MYLK4: variants seen among roughly 807,000 people sequenced by gnomAD.
The protein encoded by MYLK4 is myosin light chain kinase family member 4.
MYLK4 carries 46 observed loss-of-function variants against 48.1 expected under a neutral mutation model. The ratio of observed to expected loss-of-function variants is 0.96; its 90% CI spans 0.75 to 1.22. The LOEUF (loss-of-function observed/expected upper bound fraction) is 1.22. Among genes scored for constraint, MYLK4 ranks in the 50% most tolerant of loss-of-function variants. The pLI is 0.00. For missense variants in MYLK4, 451 were observed against 486.1 expected (o/e 0.93, Z 0.68); for synonymous variants, 170 against 180.8 (o/e 0.94, Z 0.48).
intron 7 of MYLK4, chr6:2,680,571 G>C: frequency 2.0e-6 from 2 of 985,212 alleles, no homozygotes; most frequent in Non-Finnish European, 2.4e-6. Flanking sequence ...AGCAAGAAAA[G>C]GAGGTTGCTT....
At chr6:2,705,457 C>T (rs1163445288) in intron 2 of MYLK4, among the ~76,000 whole-genome samples, 1 of 152,196 alleles carries the variant, frequency 6.6e-6, no homozygotes, top group Non-Finnish European at 1.5e-5. Flanking sequence ...ACACATGCCC[C>T]TCCAGGTCCT....
chr6:2,677,741 C>T (rs952440579), intron 10 of MYLK4, among the ~76,000 whole-genome samples: 5 of 152,138 alleles, frequency 3.3e-5, no homozygotes. Flanking sequence ...GGGCAAACCA[C>T]GTGGGATCTT....
chr6:2,765,184 C>CCG, the MYLK4 span, among the ~76,000 whole-genome samples: 2 of 72,248 alleles, frequency 2.8e-5, 1 homozygote, highest in African/African-American at 8.7e-5. Flanking sequence ...GCCTCGCAAC[C>CCG]CCCCCCCCCG....
the MYLK4 span, chr6:2,769,031 C>A: frequency 2.8e-6 from 2 of 716,716 alleles, no homozygotes; most frequent in East Asian, 3.0e-5. Flanking sequence ...CCTATTTCTC[C>A]ATACATTTCT....
intron 2 of MYLK4, among the ~76,000 whole-genome samples, chr6:2,694,626 G>A (rs866576562): frequency 3.5e-4 from 12 of 34,036 alleles, no homozygotes; most frequent in Non-Finnish European, 7.8e-4. Context: ...GGTGATGGCG[G>A]TTGTAGTGGT....
intron 2 of MYLK4, among the ~76,000 whole-genome samples, chr6:2,732,558 G>C (rs978556273): frequency 3.3e-5 from 5 of 152,084 alleles, no homozygotes; most frequent in Admixed American, 1.3e-4. Flanking sequence ...TACAGCCACA[G>C]AGTCAGCCTG....
chr6:2,692,936 G>A lies in MYLK4; in HGVS notation c.160-77C>T, dbSNP rs554235238. 124 of 1,311,668 alleles carry A rather than the reference G, an allele frequency of 9.5e-5. No homozygotes were observed. In the African/African-American group the frequency reaches 1.5e-3, roughly 16 times the overall value. 81.3% of individuals were successfully genotyped at this position (1,311,668 alleles called of 1,614,324 possible). A position where few individuals can be genotyped will look rare whatever the true frequency, so the allele number is the denominator to read the frequency against. On this transcript the variant is annotated intron_variant, in intron 2 of 12. Coordinates refer to ENST00000274643, the MANE Select transcript of MYLK4 (RefSeq NM_001012418.5). Reference sequence around the variant, plus strand: ...CAACCTCAGCACTCCTGACACTTGCGCTGGATGATTCCGTGTGGTGGGGAA... The same window carrying A: ...CAACCTCAGCACTCCTGACACTTGCACTGGATGATTCCGTGTGGTGGGGAA...
chr6:2,766,024 C>T, the MYLK4 span: 7 of 1,323,564 alleles, frequency 5.3e-6, no homozygotes, highest in African/African-American at 1.5e-5. Flanking sequence ...CCAGCAGCCC[C>T]GGGAGGAAGG....
chr6:2,685,473 C>T lies in MYLK4; in HGVS notation c.435+10G>A, dbSNP rs1283420321. The T allele has an allele frequency of 6.2e-7, 1 of 1,613,828 alleles. No homozygotes were observed. The highest frequency in any genetic ancestry group is 1.3e-5 in the African/African-American group (1 of 74,934). ...CGGGGAGGGAGGGGACCACCTCCCA[C>T]AGGCTGTACCTTGTCCTTCATGCCT... On this transcript the variant is annotated intron_variant, in intron 5 of 12. Transcript: ENST00000274643. This position sits in a 1 kb window ranked among gnomAD's most constrained non-coding sequence, Gnocchi z 4.5.
At chr6:2,692,582 G>A (rs1295000445) in intron 3 of MYLK4, among the ~76,000 whole-genome samples, 1 of 135,014 alleles carries the variant, frequency 7.4e-6, no homozygotes, top group Non-Finnish European at 1.5e-5. Flanking sequence ...GACCAATTGG[G>A]TTCCAAAAGA....
At chr6:2,691,084 C>G (rs1398067205) in intron 3 of MYLK4, among the ~76,000 whole-genome samples, 1 of 152,144 alleles carries the variant, frequency 6.6e-6, no homozygotes, top group African/African-American at 2.4e-5. Flanking sequence ...ACTGCCTCAG[C>G]CTCCTAAAGT....
At chr6:2,759,365 G>T in the MYLK4 span, among the ~76,000 whole-genome samples, 1 of 152,116 alleles carries the variant, frequency 6.6e-6, no homozygotes, top group Non-Finnish European at 1.5e-5. Flanking sequence ...CCTTGGCCTC[G>T]CAAACTGCTG....
intron 2 of MYLK4, among the ~76,000 whole-genome samples, chr6:2,714,851 C>A (rs1201374067): frequency 2.0e-5 from 3 of 152,178 alleles, no homozygotes; most frequent in African/African-American, 7.2e-5. Flanking sequence ...GTGAAATAAG[C>A]CAGACACAAA....
intron 11 of MYLK4, among the ~76,000 whole-genome samples, 173 bp from the exon 12 acceptor site, chr6:2,671,521 A>G (rs571316882): frequency 5.3e-5 from 8 of 152,260 alleles, no homozygotes; most frequent in Admixed American, 1.3e-4. Flanking sequence ...GGCCAACCTC[A>G]GAGTCCATCT....
chr6:2,766,186 C>T, the MYLK4 span: 17 of 1,386,220 alleles, frequency 1.2e-5, no homozygotes, highest in South Asian at 2.7e-4. Flanking sequence ...ACCCGGGGCA[C>T]TGGGACGCGG....
the MYLK4 span, chr6:2,766,493 A>C: frequency 1.4e-6 from 2 of 1,454,810 alleles, no homozygotes; most frequent in Non-Finnish European, 9.2e-7. Context: ...TCGGCGGTGG[A>C]TGCAGCTGAT....
intron 2 of MYLK4, among the ~76,000 whole-genome samples, chr6:2,696,396 A>G (rs147288371): frequency 6.6e-6 from 1 of 152,340 alleles, no homozygotes; most frequent in East Asian, 1.9e-4. Context: ...TGGTGATGCT[A>G]TTAAAAGGTA....
At chr6:2,697,131 A>T (rs1762091146) in intron 2 of MYLK4, among the ~76,000 whole-genome samples, 2 of 152,274 alleles carry the variant, frequency 1.3e-5, no homozygotes, top group African/African-American at 4.8e-5. Flanking sequence ...ATTATAAATA[A>T]ATATATCGCG....
chr6:2,767,028 CAT>C, the MYLK4 span, among the ~76,000 whole-genome samples: 1 of 152,150 alleles, frequency 6.6e-6, no homozygotes, highest in Non-Finnish European at 1.5e-5. Context: ...ACAAAACTAA[CAT>C]AAAAACTTTT....
Sources: allele counts gnomAD v4.1 joint callset (sites outside exome capture counted in the v4.1 genomes callset), GRCh38; gene constraint gnomAD v4.1.1; non-coding constraint Gnocchi (gnomAD v3.1); transcripts MANE v1.5; gene names NCBI Gene and HGNC (gene_info 2026-07-23, HGNC 2026-07-21).